PIK3R2: variants seen among roughly 807,000 people sequenced by gnomAD.
The protein encoded by PIK3R2 is phosphoinositide-3-kinase regulatory subunit 2, also known as phosphatidylinositol 3-kinase regulatory subunit beta.
A neutral mutation model predicts 78.5 loss-of-function variants in PIK3R2; 40 were observed. That is an observed-to-expected ratio of 0.51 (90% CI 0.40 to 0.66). The LOEUF (loss-of-function observed/expected upper bound fraction) is 0.66, where lower values mean the gene tolerates loss of function less well. Among genes scored for constraint, PIK3R2 ranks in the 30% least tolerant of loss-of-function variants. The pLI is 0.00. For synonymous variants in PIK3R2, 473 were observed against 457.7 expected (o/e 1.03, Z -0.43); for missense variants, 880 against 1,026.6 (o/e 0.86, Z 1.95).
Position 18,169,142 on chromosome 19 carries a change from T to C in PIK3R2, c.2035T>C (p.Phe679Leu), listed in dbSNP as rs759963895. ...VIYRTATGFG[F>L]AEPYNLYGSL... ...CTACCGCACGGCCACCGGCTTCGGC[T>C]TCGCGGAGCCCTACAACCTGTACGG... The change falls in exon 16 of 16, where the codon TTC (phenylalanine) becomes CTC (leucine). Residue 679 changes from phenylalanine (F) to leucine (L), a missense_variant. Phe to Leu is a conservative substitution (Grantham distance 22, BLOSUM62 0). Around this residue, in one of 3 missense-constraint regions of PIK3R2, gnomAD observed 268 missense variants for 299.1 expected, o/e 0.90. Coordinates refer to ENST00000222254, the MANE Select transcript of PIK3R2 (RefSeq NM_005027.4). 2.5e-6 allele frequency: 4 copies of C among 1,611,746 alleles called. No individual in the cohort carries two copies. The highest frequency in any genetic ancestry group is 1.1e-5 in the South Asian group (1 of 91,068).
At chr19:18,166,372 A>C in intron 12 of PIK3R2, 70 bp downstream of exon 12, 1 of 1,384,414 alleles carries the variant, frequency 7.2e-7, no homozygotes, top group Admixed American at 1.9e-5. Flanking sequence ...GGAGGGAAGG[A>C]AGCAGAAGGA....
Position 18,169,132 on chromosome 19 carries a change from C to T in PIK3R2, c.2025C>T (p.Thr675=), listed in dbSNP as rs200201259. The change falls in exon 16 of 16, where the codon ACC becomes ACT. Residue 675 remains threonine (T), a synonymous_variant. Transcript: ENST00000222254. ...ACTGCGTCATCTACCGCACGGCCAC[C>T]GGCTTCGGCTTCGCGGAGCCCTACA... ...TKHCVIYRTA[T]GFGFAEPYNL... 31 of 1,611,544 alleles carry T rather than the reference C, an allele frequency of 1.9e-5. No homozygotes were observed. Among genetic ancestry groups the T allele is most frequent in the Non-Finnish European group, 2.5e-5 (29 of 1,179,806 alleles).
chr19:18,160,982 C>G lies in PIK3R2; in HGVS notation c.466+13C>G. The G allele has an allele frequency of 6.2e-7, 1 of 1,612,882 alleles. No individual in the cohort carries two copies. Among genetic ancestry groups the G allele is most frequent in the Non-Finnish European group, 8.5e-7 (1 of 1,179,762 alleles). On this transcript the variant is annotated intron_variant, in intron 4 of 15. Coordinates refer to ENST00000222254, the MANE Select transcript of PIK3R2 (RefSeq NM_005027.4). ...GCACCGCGTACAGGTGAAGGGGAGC[C>G]TCAATGGGGTTGGGAGGAGGCTGGG...
In PIK3R2 at chr19:18,166,241, A is replaced by G. The variant is rs140157739; in HGVS notation, c.1498A>G (p.Lys500Glu). ...TGAAGAGCAGGGCCAGACTCAAGAGAAATGCAGCAAGGAATACCTGGAGCG... is the reference window on the plus strand; with the variant it reads ...TGAAGAGCAGGGCCAGACTCAAGAGGAATGCAGCAAGGAATACCTGGAGCG... The part of the protein sequence containing the change: ...IFEEQGQTQE[K>E]CSKEYLERFR... Residue 500 changes from lysine (K) to glutamate (E), a missense_variant, in exon 12 of 16, where the codon AAA becomes GAA. This residue lies in a region of PIK3R2 where 156 missense variants were observed against 241.0 expected (regional missense o/e 0.65). Coordinates refer to ENST00000222254, the MANE Select transcript of PIK3R2 (RefSeq NM_005027.4). The G allele has an allele frequency of 6.2e-7, 1 of 1,613,986 alleles. No homozygotes were observed. Among genetic ancestry groups the G allele is most frequent in the Non-Finnish European group, 8.5e-7 (1 of 1,180,010 alleles).
In PIK3R2 at chr19:18,156,119, C is replaced by A; in HGVS notation, c.240C>A (p.Pro80=). 1 of 1,539,814 alleles carries A rather than the reference C, an allele frequency of 6.5e-7. No individual in the cohort carries two copies. Among genetic ancestry groups the A allele is most frequent in the Non-Finnish European group, 8.7e-7 (1 of 1,143,818 alleles). ...GCACCTATGTGGAGTTCCTGGGGCC[C>A]GTGGCCCTGGCCCGGCCCGGCCCTC... ...FPGTYVEFLG[P]VALARPGPRP... Residue 80 remains proline, a synonymous_variant, in exon 2 of 16, where the codon CCC becomes CCA. Coordinates refer to ENST00000222254, the MANE Select transcript of PIK3R2 (RefSeq NM_005027.4). The surrounding 1 kb of genome is among the most constrained non-coding windows in gnomAD (Gnocchi z 4.2).
chr19:18,155,948 G>A lies in PIK3R2; in HGVS notation c.69G>A (p.Leu23=), dbSNP rs748562623. 3 of 1,571,132 alleles carry A rather than the reference G, an allele frequency of 1.9e-6. No homozygotes were observed. In the South Asian group the frequency reaches 3.5e-5, roughly 18 times the overall value. The change falls in exon 2 of 16, where the codon CTG becomes CTA. Residue 23 remains leucine (L), a synonymous_variant. Transcript: ENST00000222254. The part of the protein sequence containing the change: ...YPFRRERPED[L]ELLPGDVLVV... ...TCCGCCGGGAGCGGCCGGAGGACCT[G>A]GAGCTGCTGCCCGGCGACGTGCTGG...
chr19:18,169,302 G>C lies in PIK3R2; in HGVS notation c.*8G>C. ...CCGCCTGCCGCCCGCTGAGCACCGAGGACCCGCCCCAAGCAGAGCCGCCCC... is the reference window on the plus strand; with the variant it reads ...CCGCCTGCCGCCCGCTGAGCACCGACGACCCGCCCCAAGCAGAGCCGCCCC... On this transcript the variant is annotated 3_prime_UTR_variant, in exon 16 of 16. Transcript: ENST00000222254. 1 of 1,445,800 alleles carries C rather than the reference G, an allele frequency of 6.9e-7. No individual in the cohort carries two copies. The highest frequency in any genetic ancestry group is 9.0e-7 in the Non-Finnish European group (1 of 1,106,696). The allele number at this position is 1,445,800 out of a possible 1,614,324, so 89.6% of individuals were successfully genotyped here. A position where few individuals can be genotyped will look rare whatever the true frequency, so the allele number is the denominator to read the frequency against.
chr19:18,161,077 C>T lies in PIK3R2; in HGVS notation c.490C>T (p.Gln164Ter). 6.2e-7 allele frequency: 1 copy of T among 1,610,052 alleles called. No individual in the cohort carries two copies. The highest frequency in any genetic ancestry group is 8.5e-7 in the Non-Finnish European group (1 of 1,178,684). Reference protein sequence around the residue: ...RTDWSLSDVDQWDTAALADGI... With the variant: ...RTDWSLSDVD ...AGACTGGTCCCTGAGCGACGTGGAT[C>T]AGTGGGACACGGCAGCCCTGGCTGA... The change falls in exon 5 of 16, where the codon CAG becomes TAG. Residue 164 changes from glutamine (Q) to a stop codon, truncating the protein, a stop_gained. Coordinates refer to ENST00000222254, the MANE Select transcript of PIK3R2 (RefSeq NM_005027.4). LOFTEE classifies it high-confidence loss of function. This position sits in a 1 kb window ranked among gnomAD's most constrained non-coding sequence, Gnocchi z 5.3.
chr19:18,156,340 T>TG lies in PIK3R2; in HGVS notation c.322+139_322+140insG. 1.5e-6 allele frequency: 1 copy of TG among 673,384 alleles called. No homozygotes were observed. The allele number at this position is 673,384 out of a possible 1,614,324, so 41.7% of individuals were successfully genotyped here. A position where few individuals can be genotyped will look rare whatever the true frequency, so the allele number is the denominator to read the frequency against. On this transcript the variant is annotated intron_variant, in intron 2 of 15. Coordinates refer to ENST00000222254, the MANE Select transcript of PIK3R2 (RefSeq NM_005027.4). The surrounding 1 kb of genome is among the most constrained non-coding windows in gnomAD (Gnocchi z 4.2). The stretch of plus-strand genomic sequence containing the variant: ...GTCATTTGACAAGTGTCTTCAGTGC[T>TG]AGGCTCAGCAGTGGACACAAGGCCT...
intron 3 of PIK3R2, 157 bp from the exon 4 acceptor site, chr19:18,160,762 T>A (rs1009265918): frequency 4.2e-6 from 4 of 956,178 alleles, no homozygotes; most frequent in Non-Finnish European, 6.5e-6. Flanking sequence ...GGCCACTGCA[T>A]GTGCTGTGCC....
rs368358984 is a variant in PIK3R2 at position 18,162,439 on chromosome 19, C to A, written c.1042C>A (p.Pro348Thr). Reference protein sequence around the residue: ...EEVNEKLRDTPDGTFLVRDAS... With the variant: ...EEVNEKLRDTTDGTFLVRDAS... ...GGTGAACGAGAAACTCCGGGACACT[C>A]CCGATGGCACCTTCCTAGTCCGAGA... The change falls in exon 9 of 16, where the codon CCC becomes ACC. Residue 348 changes from proline (P) to threonine (T), a missense_variant. By Grantham distance (38) the Pro-to-Thr change is conservative. Transcript: ENST00000222254. The A allele has an allele frequency of 3.7e-6, 6 of 1,613,544 alleles. No individual in the cohort carries two copies. The highest frequency in any genetic ancestry group is 5.1e-6 in the Non-Finnish European group (6 of 1,179,992).
At chr19:18,158,494 A>AC (rs1195928329) in intron 2 of PIK3R2, among the ~76,000 whole-genome samples, 6 of 148,498 alleles carry the variant, frequency 4.0e-5, no homozygotes, top group African/African-American at 1.3e-4. Flanking sequence ...CCATCTCAAA[A>AC]AAACAACAAC....
intron 2 of PIK3R2, among the ~76,000 whole-genome samples, chr19:18,159,353 C>T (rs528903706): frequency 6.6e-6 from 1 of 151,828 alleles, no homozygotes; most frequent in African/African-American, 2.4e-5. Context: ...GGTCGTGCCC[C>T]CTCTGAAGTT....
intron 7 of PIK3R2, 61 bp downstream of exon 7, chr19:18,162,112 G>A: frequency 1.3e-6 from 2 of 1,533,532 alleles, no homozygotes; most frequent in Non-Finnish European, 1.8e-6. Flanking sequence ...TGATCCCTGA[G>A]TGCTGCCGGC....
chr19:18,165,308 T>C (rs150164898), intron 11 of PIK3R2, among the ~76,000 whole-genome samples: 2 of 133,876 alleles, frequency 1.5e-5, no homozygotes, highest in Non-Finnish European at 3.1e-5. Context: ...GAGGTTGCAG[T>C]GAGCCGAGAT....
Position 18,163,279 on chromosome 19 carries a change from AG to A in PIK3R2, c.1309del (p.Asp437ThrfsTer40), listed in dbSNP as rs1599978207. Reference sequence around the variant, plus strand: ...TATCTCCAGGACCAGATTGTCAAGGAGGACAGCGTGGAGGCAGTGGGCGCCC... The same window carrying A: ...TATCTCCAGGACCAGATTGTCAAGGAGACAGCGTGGAGGCAGTGGGCGCCC... ...SKYQQDQIVKEDSVEAVGAQL... is the reference protein window; with the variant it reads ...SKYQQDQIVKXDSVEAVGAQL... On this transcript the variant is annotated frameshift_variant, in exon 11 of 16. Coordinates refer to ENST00000222254, the MANE Select transcript of PIK3R2 (RefSeq NM_005027.4). LOFTEE classifies it high-confidence loss of function. 1 of 1,614,092 alleles carries A rather than the reference AG, an allele frequency of 6.2e-7. No individual in the cohort carries two copies. The highest frequency in any genetic ancestry group is 8.5e-7 in the Non-Finnish European group (1 of 1,179,998).
rs914411948 is a variant in PIK3R2 at position 18,164,423 on chromosome 19, C to T, written c.1416+1035C>T. 3.9e-5 allele frequency among the ~76,000 whole-genome samples: 6 copies of T among 152,256 alleles called. No individual in the cohort carries two copies. In the East Asian group the frequency reaches 1.2e-3, roughly 29 times the overall value. On this transcript the variant is annotated intron_variant, in intron 11 of 15. Coordinates refer to ENST00000222254, the MANE Select transcript of PIK3R2 (RefSeq NM_005027.4). Reference sequence around the variant, plus strand: ...TCGGAAGGCTGAGGCGGGAGGATCGCTTGAGCCCAGGAGTTCAAGACTAGC... The same window carrying T: ...TCGGAAGGCTGAGGCGGGAGGATCGTTTGAGCCCAGGAGTTCAAGACTAGC...
chr19:18,160,568 G>A lies in PIK3R2; in HGVS notation c.415+5G>A. On this transcript the variant is annotated splice_donor_5th_base_variant and intron_variant, in intron 3 of 15. Transcript: ENST00000222254. The stretch of plus-strand genomic sequence containing the variant: ...TGGAGGCCATTGAAAGGACAGGTAA[G>A]TTCCAGCCTGGCTGCAGCCCCTGGA... 1 of 1,608,044 alleles carries A rather than the reference G, an allele frequency of 6.2e-7. No individual in the cohort carries two copies. Among genetic ancestry groups the A allele is most frequent in the Non-Finnish European group, 8.5e-7 (1 of 1,175,282 alleles).
At chr19:18,154,624 C>G (rs970855245) in intron 1 of PIK3R2, among the ~76,000 whole-genome samples, 2 of 152,154 alleles carry the variant, frequency 1.3e-5, no homozygotes, top group African/African-American at 4.8e-5. Flanking sequence ...CCTCCCTGCC[C>G]TAGGTATCTG....
Sources: allele counts gnomAD v4.1 joint callset (sites outside exome capture counted in the v4.1 genomes callset), GRCh38; gene constraint gnomAD v4.1.1; regional missense constraint gnomAD v4.1.1; non-coding constraint Gnocchi (gnomAD v3.1); transcripts MANE v1.5; gene names NCBI Gene and HGNC (gene_info 2026-07-23, HGNC 2026-07-21).